The following GCNA variants were observed in gnomAD, a reference collection of about 807,000 sequenced individuals.
GCNA encodes germ cell nuclear acidic peptidase, also known as germ cell nuclear acidic protein.
Under a neutral mutation model 38.8 loss-of-function variants are expected in GCNA, and 3 were observed. The observed-to-expected ratio is 0.08, with a 90% CI of 0.04 to 0.20. The LOEUF (loss-of-function observed/expected upper bound fraction) is 0.20. Among genes scored for constraint, GCNA ranks in the 10% least tolerant of loss-of-function variants. The pLI is 1.00. For synonymous variants in GCNA, 195 were observed against 240.2 expected (o/e 0.81, Z 1.74); for missense variants, 446 against 578.6 (o/e 0.77, Z 2.35).
chrX:71,578,633 GC>G (rs1469097164), intron 1 of GCNA, 111 bp downstream of exon 1: 1 of 112,581 alleles, frequency 8.9e-6, no homozygotes, highest in Non-Finnish European at 1.9e-5. Context: ...GACTCTGGTT[GC>G]CCGTGTAGGC....
intron 7 of GCNA, among the ~76,000 whole-genome samples, chrX:71,601,434 C>T (rs910889286): frequency 1.7e-4 from 19 of 112,013 alleles, no homozygotes; most frequent in Non-Finnish European, 3.8e-5. Flanking sequence ...CAGTTCCATC[C>T]ATGTTGTTGC....
intron 6 of GCNA, among the ~76,000 whole-genome samples, chrX:71,597,479 G>A (rs1000681564): frequency 9.0e-5 from 10 of 110,722 alleles, no homozygotes; most frequent in South Asian, 3.9e-4. Context: ...AGAGCAGTCC[G>A]TCAGTTCAAG....
intron 6 of GCNA, among the ~76,000 whole-genome samples, chrX:71,596,656 G>A (rs2040674560): frequency 8.9e-6 from 1 of 111,940 alleles, no homozygotes; most frequent in African/African-American, 3.2e-5. Context: ...TGCAAGGAGT[G>A]CCCACAGGTC....
chrX:71,612,451 A>G lies in GCNA; in HGVS notation c.1847A>G (p.Tyr616Cys). ...TCTCATGGTGACGCATGGAAGTATT[A>G]TGCCAGGAAATCCAACAGGATACAC... ...HDSHGDAWKY[Y>C]ARKSNRIHPE... The change falls in exon 12 of 13, where the codon TAT becomes TGT. Residue 616 changes from tyrosine to cysteine, a missense_variant. Physicochemically the swap from Tyr to Cys is radical, Grantham distance 194. Transcript: ENST00000373696. The G allele has an allele frequency of 8.3e-7, 1 of 1,209,040 alleles. No individual in the cohort carries two copies. The highest frequency in any genetic ancestry group is 3.0e-5 in the East Asian group (1 of 33,824).
In GCNA at chrX:71,604,438, G is replaced by A. The variant is rs1569441007; in HGVS notation, c.1161G>A (p.Glu387=). 8.3e-7 allele frequency: 1 copy of A among 1,208,931 alleles called. No individual in the cohort carries two copies. Among genetic ancestry groups the A allele is most frequent in the East Asian group, 3.0e-5 (1 of 33,806 alleles). Residue 387 remains glutamate, a synonymous_variant, in exon 8 of 13, where the codon GAG becomes GAA. Coordinates refer to ENST00000373696, the MANE Select transcript of GCNA (RefSeq NM_052957.5). ...ENLSKPPSDP[E]ANPEVSERKL... ...TCAGCAAACCACCAAGTGATCCTGA[G>A]GCTAACCCTGAAGTTTCAGAGAGAA...
chrX:71,590,614 T>C (rs2040620182), intron 2 of GCNA, among the ~76,000 whole-genome samples: 1 of 111,417 alleles, frequency 9.0e-6, no homozygotes, highest in Non-Finnish European at 1.9e-5. Flanking sequence ...TTTGAAAGAT[T>C]GGAAAAGTAT....
chrX:71,586,101 A>G (rs934518031), intron 2 of GCNA, among the ~76,000 whole-genome samples: 2 of 107,605 alleles, frequency 1.9e-5, no homozygotes, highest in Non-Finnish European at 1.9e-5. Flanking sequence ...GGCAGATAGC[A>G]TCTTGTTTAC....
At chrX:71,603,463 T>C in intron 7 of GCNA, 125 bp from the exon 8 acceptor site, 1 of 988,372 alleles carries the variant, frequency 1.0e-6, no homozygotes, top group Non-Finnish European at 1.4e-6. Context: ...GATTCTTAAC[T>C]GCTATTCAAA....
chrX:71,606,818 C>T (rs957120035), intron 9 of GCNA, among the ~76,000 whole-genome samples: 2 of 111,795 alleles, frequency 1.8e-5, no homozygotes, highest in African/African-American at 3.3e-5. Flanking sequence ...CCTCCAGGGA[C>T]GTGTGTCTTG....
At chrX:71,588,900 T>A (rs1371146125) in intron 2 of GCNA, among the ~76,000 whole-genome samples, 1 of 109,688 alleles carries the variant, frequency 9.1e-6, no homozygotes, top group Non-Finnish European at 1.9e-5. Context: ...AAGTTTTTTT[T>A]TTTTTTTCTT....
rs2040753914 is a variant in GCNA at position 71,604,622 on chromosome X, G to C, written c.1345G>C (p.Val449Leu). ...AAGGCAGACAAAGACCAAAAATATA[G>C]TGGAGCCACTGAGGAAGAGGAAGGC... is the stretch of plus-strand genomic sequence containing the variant. ...RKRQTKTKNIVEPLRKRKAKT... is the reference protein window; with the variant it reads ...RKRQTKTKNILEPLRKRKAKT... Residue 449 changes from valine (V) to leucine (L), a missense_variant, in exon 8 of 13, where the codon GTG (valine) becomes CTG (leucine). Around this residue, in one of 7 missense-constraint regions of GCNA, gnomAD observed 160 missense variants for 165.2 expected, o/e 0.97. Coordinates refer to ENST00000373696, the MANE Select transcript of GCNA (RefSeq NM_052957.5). 1.7e-6 allele frequency: 2 copies of C among 1,203,361 alleles called. No homozygotes were observed. The highest frequency in any genetic ancestry group is 1.1e-6 in the Non-Finnish European group (1 of 891,784).
In GCNA at chrX:71,604,242, C is replaced by G. The variant is rs748365021; in HGVS notation, c.965C>G (p.Ser322Trp). The G allele has an allele frequency of 8.3e-7, 1 of 1,211,298 alleles. No homozygotes were observed. Among genetic ancestry groups the G allele is most frequent in the South Asian group, 1.8e-5 (1 of 56,890 alleles). The change falls in exon 8 of 13, where the codon TCG (serine) becomes TGG (tryptophan). Residue 322 changes from serine (S) to tryptophan (W), a missense_variant. Ser to Trp is a radical substitution (Grantham distance 177). This residue lies in a region of GCNA where 160 missense variants were observed against 165.2 expected (regional missense o/e 0.97). Transcript: ENST00000373696. ...SDVPEDKSDD[S>W]DVPDDNSDDL... is the part of the protein sequence containing the mutation. ...GTTCCCGAAGACAAGAGTGATGATTCGGATGTTCCCGATGACAATAGTGAT... is the reference window on the plus strand; with the variant it reads ...GTTCCCGAAGACAAGAGTGATGATTGGGATGTTCCCGATGACAATAGTGAT...
At position 71,592,160 on chromosome X, in the gene GCNA, G is replaced by A. The variant is rs747625606; in HGVS notation, c.98G>A (p.Ser33Asn). Residue 33 changes from serine to asparagine, a missense_variant, in exon 3 of 13, where the codon AGT becomes AAT. Around this residue, in one of 7 missense-constraint regions of GCNA, gnomAD observed 25 missense variants for 52.8 expected, o/e 0.47. Transcript: ENST00000373696. ...LNVQSSSDDT[S>N]GSSVARRAPK... ...GTTCAGTCAAGCAGTGATGACACCA[G>A]TGGGTCTTGTAAGTAGAGTCCACTC... is the stretch of plus-strand genomic sequence containing the variant. 13 of 1,202,725 alleles carry A rather than the reference G, an allele frequency of 1.1e-5. No individual in the cohort carries two copies. Among genetic ancestry groups the A allele is most frequent in the South Asian group, 5.3e-5 (3 of 56,581 alleles).
At chrX:71,611,929 C>A (rs1474873580) in intron 11 of GCNA, among the ~76,000 whole-genome samples, 1 of 110,469 alleles carries the variant, frequency 9.1e-6, no homozygotes, top group African/African-American at 3.3e-5. Context: ...TTTAAGATAG[C>A]CTTGTGTCTG....
chrX:71,612,310 A>C, intron 11 of GCNA, 45 bp from the exon 12 acceptor site: 21 of 444,818 alleles, frequency 4.7e-5, no homozygotes, highest in Non-Finnish European at 7.5e-5. Context: ...AAAAAAAAAG[A>C]GGATTGGTTT....
Position 71,612,536 on chromosome X carries a change from T to C in GCNA, c.1932T>C (p.Tyr644=), listed in dbSNP as rs775642483. 8.3e-7 allele frequency: 1 copy of C among 1,209,769 alleles called. No individual in the cohort carries two copies. Among genetic ancestry groups the C allele is most frequent in the South Asian group, 1.8e-5 (1 of 56,416 alleles). ...ATAAGATTAACTACAAGGTCCATTA[T>C]GAATGTACTGGATGCAAAACGAGGT... is the stretch of plus-strand genomic sequence containing the variant. The part of the protein sequence containing the change: ...HNYKINYKVH[Y]ECTGCKTRIG... The change falls in exon 12 of 13, where the codon TAT becomes TAC. Residue 644 remains tyrosine, a synonymous_variant. Transcript: ENST00000373696.
At chrX:71,609,923 A>G (rs192447745) in intron 10 of GCNA, among the ~76,000 whole-genome samples, 2 of 112,202 alleles carry the variant, frequency 1.8e-5, no homozygotes, top group Admixed American at 1.9e-4. Flanking sequence ...AAGTTCTTAC[A>G]TATTCCTAAA....
intron 6 of GCNA, among the ~76,000 whole-genome samples, chrX:71,596,271 T>G (rs768968904): frequency 8.9e-5 from 10 of 112,176 alleles, no homozygotes; most frequent in African/African-American, 1.3e-4. Flanking sequence ...TAGAGCCAAA[T>G]AATGTATAAA....
Position 71,604,413 on chromosome X carries a change from T to G in GCNA, c.1136T>G (p.Leu379Arg). The part of the protein sequence containing the change: ...DAGEQDLGEN[L>R]SKPPSDPEAN... ...GGTGAGCAGGATCTTGGTGAGAATC[T>G]CAGCAAACCACCAAGTGATCCTGAG... The change falls in exon 8 of 13, where the codon CTC (leucine) becomes CGC (arginine). Residue 379 changes from leucine to arginine, a missense_variant. Around this residue, in one of 7 missense-constraint regions of GCNA, gnomAD observed 160 missense variants for 165.2 expected, o/e 0.97. Coordinates refer to ENST00000373696, the MANE Select transcript of GCNA (RefSeq NM_052957.5). 8.3e-7 allele frequency: 1 copy of G among 1,210,506 alleles called. No homozygotes were observed. Among genetic ancestry groups the G allele is most frequent in the Non-Finnish European group, 1.1e-6 (1 of 894,840 alleles).
Sources: allele counts gnomAD v4.1 joint callset (sites outside exome capture counted in the v4.1 genomes callset), GRCh38; gene constraint gnomAD v4.1.1; regional missense constraint gnomAD v4.1.1; transcripts MANE v1.5; gene names NCBI Gene and HGNC (gene_info 2026-07-23, HGNC 2026-07-21).